The following CDH8 variants were observed in gnomAD, a reference collection of about 807,000 sequenced individuals.
CDH8 encodes cadherin-8.
Under a neutral mutation model 68.1 loss-of-function variants are expected in CDH8, and 17 were observed. That is an observed-to-expected ratio of 0.25 (90% CI 0.17 to 0.37). The LOEUF is 0.37. Among genes scored for constraint, CDH8 ranks in the 10% least tolerant of loss-of-function variants. The probability of loss-of-function intolerance (pLI) is 1.00; values close to 1 mark genes in which losing one functional copy is unlikely to be tolerated. For missense variants in CDH8, 763 were observed against 999.3 expected (o/e 0.76, Z 3.19); for synonymous variants, 372 against 365.1 (o/e 1.02, Z -0.21).
intron 8 of CDH8, among the ~76,000 whole-genome samples, chr16:61,778,465 A>C (rs916794511): frequency 6.6e-6 from 1 of 152,144 alleles, no homozygotes; most frequent in African/African-American, 2.4e-5. Flanking sequence ...TAGAAGTAAC[A>C]CACAGGCCAT....
intron 1 of CDH8, among the ~76,000 whole-genome samples, chr16:62,021,820 T>G (rs899928697): frequency 3.9e-5 from 6 of 152,210 alleles, no homozygotes; most frequent in Non-Finnish European, 8.8e-5. Flanking sequence ...CTATGTGACC[T>G]ATCAGAAACT....
At chr16:61,964,089 A>G (rs1482632367) in intron 2 of CDH8, among the ~76,000 whole-genome samples, 1 of 152,246 alleles carries the variant, frequency 6.6e-6, no homozygotes, top group Non-Finnish European at 1.5e-5. Flanking sequence ...CAATTTTATT[A>G]TATCATAGGC....
At chr16:61,793,152 C>T (rs997221678) in intron 7 of CDH8, among the ~76,000 whole-genome samples, 1 of 151,896 alleles carries the variant, frequency 6.6e-6, no homozygotes, top group Non-Finnish European at 1.5e-5. Context: ...AGTTGATTGT[C>T]TGCAACCCAG....
At chr16:61,747,892 G>A (rs1037938532) in intron 8 of CDH8, among the ~76,000 whole-genome samples, 1 of 152,028 alleles carries the variant, frequency 6.6e-6, no homozygotes, top group Non-Finnish European at 1.5e-5. Flanking sequence ...TGGTCTCCTT[G>A]ACATCGCCGG....
chr16:61,787,052 AC>A (rs1416913410), intron 8 of CDH8, among the ~76,000 whole-genome samples: 4 of 142,544 alleles, frequency 2.8e-5, no homozygotes, highest in Non-Finnish European at 6.1e-5. Flanking sequence ...TGTCCAAAAC[AC>A]CAAAAGCAAT....
chr16:61,980,258 A>G (rs147273656), intron 2 of CDH8, among the ~76,000 whole-genome samples: 48 of 152,326 alleles, frequency 3.2e-4, no homozygotes, highest in Non-Finnish European at 5.9e-4. Flanking sequence ...AGGGATTCCA[A>G]ATATGGGACT....
At chr16:61,862,871 G>A (rs1042594463) in intron 3 of CDH8, among the ~76,000 whole-genome samples, 1 of 152,134 alleles carries the variant, frequency 6.6e-6, no homozygotes, top group African/African-American at 2.4e-5. Flanking sequence ...GTAATACCCA[G>A]GAAATATAAC....
At chr16:62,027,996 T>C (rs116122202) in intron 1 of CDH8, among the ~76,000 whole-genome samples, 413 of 152,178 alleles carry the variant, frequency 2.7e-3, no homozygotes, top group African/African-American at 9.2e-3. Flanking sequence ...TTTATCCAGA[T>C]GTCAATCTGT....
rs535137964 is a variant in CDH8 at position 61,785,152 on chromosome 16, G to T, written c.1414+4194C>A. Reference sequence around the variant, plus strand: ...CAAAAACTCAATGAATCCAGGAGCTGGTTTTTTGAAAGGATCAACAAAATT... The same window carrying T: ...CAAAAACTCAATGAATCCAGGAGCTTGTTTTTTGAAAGGATCAACAAAATT... On this transcript the variant is annotated intron_variant, in intron 8 of 11. Transcript: ENST00000577390. Among the ~76,000 whole-genome samples the T allele has an allele frequency of 1.9e-4, 25 of 131,306 alleles. No homozygotes were observed. The South Asian group carries it at 7.3e-3, about 38-fold the overall frequency. The allele number at this position is 131,306 out of a possible 152,430, so 86.1% of individuals were successfully genotyped here.
chr16:61,694,948 A>C (rs545743019), intron 10 of CDH8, among the ~76,000 whole-genome samples: 20 of 151,732 alleles, frequency 1.3e-4, no homozygotes, highest in Non-Finnish European at 2.6e-4. Context: ...CGCCTGGCTA[A>C]TTTTTGTATT....
rs1963285843 is a variant in CDH8, at chr16:61,650,035, T to C, written c.*3573A>G. 6.6e-6 allele frequency: 1 copy of C among 152,088 alleles called. No individual in the cohort carries two copies. Among genetic ancestry groups the C allele is most frequent in the African/African-American group, 2.4e-5 (1 of 41,430 alleles). The allele number at this position is 152,088 out of a possible 1,614,324, so 9.4% of individuals were successfully genotyped here. A position where few individuals can be genotyped will look rare whatever the true frequency, so the allele number is the denominator to read the frequency against. Reference sequence around the variant, plus strand: ...TTTCTTCTATATATACACATACACTTAACTGCAGATTTTTTTCAAAACAGT... The same window carrying C: ...TTTCTTCTATATATACACATACACTCAACTGCAGATTTTTTTCAAAACAGT... On this transcript the variant is annotated 3_prime_UTR_variant, in exon 12 of 12. Coordinates refer to ENST00000577390, the MANE Select transcript of CDH8 (RefSeq NM_001796.5).
intron 8 of CDH8, among the ~76,000 whole-genome samples, chr16:61,767,748 C>T (rs1960630189): frequency 6.6e-6 from 1 of 151,898 alleles, no homozygotes; most frequent in Non-Finnish European, 1.5e-5. Flanking sequence ...TCAGCACAGA[C>T]ATGCATTAGC....
intron 2 of CDH8, among the ~76,000 whole-genome samples, chr16:61,974,656 T>C (rs760229966): frequency 4.6e-5 from 7 of 152,182 alleles, no homozygotes; most frequent in Non-Finnish European, 7.4e-5. Context: ...ATAGAAAATA[T>C]AGAAACCGCA....
chr16:61,991,063 A>G (rs572201719), intron 2 of CDH8, among the ~76,000 whole-genome samples: 1 of 152,336 alleles, frequency 6.6e-6, no homozygotes, highest in East Asian at 1.9e-4. Flanking sequence ...TTAGTTGAAT[A>G]TTAAAGAGTC....
chr16:61,674,890 T>C (rs2142786032), intron 10 of CDH8, among the ~76,000 whole-genome samples: 1 of 150,986 alleles, frequency 6.6e-6, no homozygotes, highest in South Asian at 2.1e-4. Context: ...TCTGTGAATT[T>C]GAAGACATTG....
At position 61,820,935 on chromosome 16, in the gene CDH8, C is replaced by A. The variant is rs1962199620; in HGVS notation, c.1014G>T (p.Arg338Ser). Residue 338 changes from arginine (R) to serine (S), a missense_variant, in exon 6 of 12, where the codon AGG (arginine) becomes AGT (serine). By Grantham distance (110) the Arg-to-Ser change is moderately radical. Coordinates refer to ENST00000577390, the MANE Select transcript of CDH8 (RefSeq NM_001796.5). ...AGCTTCCTTAGCTTACTTTTCTTAG[C>A]CTTATAATGCCATCCTGGGCCTGGG... ...SDAQAQDGII[R>S]LRKPLDFETK... 6.2e-7 allele frequency: 1 copy of A among 1,609,882 alleles called. No individual in the cohort carries two copies. Among genetic ancestry groups the A allele is most frequent in the Admixed American group, 1.7e-5 (1 of 59,516 alleles).
At chr16:61,769,724 T>C (rs959836372) in intron 8 of CDH8, among the ~76,000 whole-genome samples, 3 of 151,882 alleles carry the variant, frequency 2.0e-5, no homozygotes, top group Non-Finnish European at 4.4e-5. Context: ...ATAATTATAG[T>C]ACGTGAACAT....
At chr16:61,801,053 A>T (rs1961613338) in intron 7 of CDH8, among the ~76,000 whole-genome samples, 1 of 152,040 alleles carries the variant, frequency 6.6e-6, no homozygotes, top group African/African-American at 2.4e-5. Context: ...CTCAGAATAT[A>T]AGCATTATTA....
intron 4 of CDH8, among the ~76,000 whole-genome samples, chr16:61,843,194 CA>C (rs1381598808): frequency 2.0e-5 from 3 of 152,098 alleles, no homozygotes; most frequent in African/African-American, 7.2e-5. Context: ...CTCAATTTTA[CA>C]CGCTAAATCA....
Sources: gnomAD v4.1 joint callset for allele counts (sites outside exome capture counted in the v4.1 genomes callset) on GRCh38, gnomAD v4.1.1 for gene constraint, MANE v1.5 for transcripts, NCBI Gene and HGNC (gene_info 2026-07-23, HGNC 2026-07-21) for gene names.